Variants in CCDC93 observed in about 807,000 individuals in gnomAD.
CCDC93 encodes the protein CCC complex scaffolding subunit CCDC93.
A neutral mutation model predicts 108.2 loss-of-function variants in CCDC93; 61 were observed. The observed-to-expected ratio is 0.56, with a 90% CI of 0.46 to 0.70. CCDC93 has a LOEUF of 0.70. Ranked by LOEUF, CCDC93 falls within the 30% of genes least tolerant of loss-of-function variation. The probability of loss-of-function intolerance (pLI) is 0.00; values close to 1 mark genes in which losing one functional copy is unlikely to be tolerated. For synonymous variants in CCDC93, 276 were observed against 260.4 expected, an observed-to-expected ratio of 1.06 and a Z score of -0.58; for missense variants, 685 against 764.2, an observed-to-expected ratio of 0.90 and a Z score of 1.22.
intron 3 of CCDC93, among the ~76,000 whole-genome samples, chr2:118,004,694 G>A (rs1021230568): frequency 6.6e-6 from 1 of 152,136 alleles, no homozygotes; most frequent in Admixed American, 6.5e-5. Flanking sequence ...AATAAAGAAT[G>A]AGCTACCTGA....
At chr2:118,004,914 G>A (rs1676823454) in intron 3 of CCDC93, among the ~76,000 whole-genome samples, 1 of 152,050 alleles carries the variant, frequency 6.6e-6, no homozygotes, top group African/African-American at 2.4e-5. Flanking sequence ...ATACCTAAGG[G>A]ATACATATTA....
At chr2:117,941,651 G>A (rs1449721686) in intron 18 of CCDC93, among the ~76,000 whole-genome samples, 1 of 152,192 alleles carries the variant, frequency 6.6e-6, no homozygotes. Flanking sequence ...GGCAGGGACA[G>A]GCAACAAAAG....
At chr2:117,970,622 A>G (rs550109372) in intron 11 of CCDC93, among the ~76,000 whole-genome samples, 1 of 152,378 alleles carries the variant, frequency 6.6e-6, no homozygotes, top group South Asian at 2.1e-4. Flanking sequence ...TTACTCGAGT[A>G]TAGTCTATAA....
chr2:117,988,153 A>AT (rs146776330), intron 6 of CCDC93, among the ~76,000 whole-genome samples: 2,465 of 151,314 alleles, frequency 0.016, 73 homozygotes, highest in African/African-American at 0.058. Flanking sequence ...ATTTTATTTT[A>AT]TTTTTTTGCA....
intron 11 of CCDC93, among the ~76,000 whole-genome samples, chr2:117,973,203 G>A (rs1288935644): frequency 6.6e-6 from 1 of 152,044 alleles, no homozygotes; most frequent in African/African-American, 2.4e-5. Flanking sequence ...TGTAGTAAAA[G>A]ATTCTGAGAA....
intron 21 of CCDC93, 194 bp downstream of exon 21, chr2:117,936,508 A>G (rs1462088074): frequency 6.9e-6 from 4 of 581,642 alleles, no homozygotes; most frequent in Non-Finnish European, 1.2e-5. Flanking sequence ...CTCTACTATC[A>G]TTATAGTTTT....
chr2:117,956,876 T>G (rs926951779), intron 12 of CCDC93, among the ~76,000 whole-genome samples: 5 of 141,906 alleles, frequency 3.5e-5, no homozygotes, highest in Middle Eastern at 3.6e-3. Context: ...AAGCTCAAAA[T>G]GCCAACTGGT....
rs371433061 is a variant in CCDC93, at chr2:117,948,089, A to C, written c.1224+16T>G. 1 of 1,598,916 alleles carries C rather than the reference A, an allele frequency of 6.3e-7. No individual in the cohort carries two copies. The highest frequency in any genetic ancestry group is 8.6e-7 in the Non-Finnish European group (1 of 1,166,562). On this transcript the variant is annotated intron_variant, in intron 15 of 23. Transcript: ENST00000376300. ...TAAGCGTCCTGGTTTATTTGCTGAC[A>C]CCAAACAACACTTACTCGACAATGT...
At chr2:117,932,079 C>G (rs567488280) in intron 22 of CCDC93, among the ~76,000 whole-genome samples, 1 of 152,164 alleles carries the variant, frequency 6.6e-6, no homozygotes, top group African/African-American at 2.4e-5. Context: ...GGTGCATGGC[C>G]TCCTCAGCCT....
intron 7 of CCDC93, among the ~76,000 whole-genome samples, chr2:117,982,884 G>A (rs755424611): frequency 1.4e-4 from 22 of 152,184 alleles, no homozygotes; most frequent in Non-Finnish European, 3.2e-4. Flanking sequence ...GAAAAGGCCA[G>A]ACTTCCCATA....
chr2:117,990,078 T>C (rs1057330271), intron 6 of CCDC93, among the ~76,000 whole-genome samples: 2 of 152,216 alleles, frequency 1.3e-5, no homozygotes, highest in Non-Finnish European at 2.9e-5. Flanking sequence ...AATGTATCTT[T>C]TGGGTCTGGA....
At position 118,009,855 on chromosome 2, in the gene CCDC93, T is replaced by C. The variant is rs551786161; in HGVS notation, c.43-1197A>G. ...GGGTGATTATTGCCACATAATAGGA[T>C]TGCCTTAAAAATAATAAATTCATCT... On this transcript the variant is annotated intron_variant, in intron 1 of 23. Coordinates refer to ENST00000376300, the MANE Select transcript of CCDC93 (RefSeq NM_019044.5). Among the ~76,000 whole-genome samples, 4 of 152,298 alleles carry C rather than the reference T, an allele frequency of 2.6e-5. No homozygotes were observed. The East Asian group carries it at 7.7e-4, about 29-fold the overall frequency.
At chr2:117,940,782 G>A (rs1447066806) in intron 19 of CCDC93, among the ~76,000 whole-genome samples, 1 of 152,192 alleles carries the variant, frequency 6.6e-6, no homozygotes, top group Non-Finnish European at 1.5e-5. Context: ...GTTACTGGGT[G>A]AATATGATGC....
chr2:118,013,509 T>C (rs1050849163), intron 1 of CCDC93, among the ~76,000 whole-genome samples: 2 of 151,802 alleles, frequency 1.3e-5, no homozygotes, highest in Admixed American at 1.3e-4. Context: ...GGGGTGGCGG[T>C]AGACGTCCCA....
chr2:117,965,823 T>C (rs1398284818), intron 11 of CCDC93, among the ~76,000 whole-genome samples: 1 of 151,812 alleles, frequency 6.6e-6, no homozygotes, highest in African/African-American at 2.4e-5. Context: ...AAAGAAGAAA[T>C]ATATCTAATC....
Position 117,956,913 on chromosome 2 carries a change from G to A in CCDC93, c.1005+1452C>T, listed in dbSNP as rs182018943. Among the ~76,000 whole-genome samples the A allele has an allele frequency of 2.4e-3, 352 of 147,468 alleles. 1 individual carries two copies. The highest frequency in any genetic ancestry group is 8.4e-3 in the African/African-American group (336 of 39,916). On this transcript the variant is annotated intron_variant, in intron 12 of 23. Transcript: ENST00000376300. ...CCCATTTTTTTTTTTTTTTTGAGAT[G>A]GAGTTTCGCTCTTGTTGCCCAGGCT...
rs563677235 is a variant in CCDC93 at position 117,926,004 on chromosome 2, G to C, written c.1842+5033C>G. Among the ~76,000 whole-genome samples, 4 of 152,282 alleles carry C rather than the reference G, an allele frequency of 2.6e-5. No homozygotes were observed. The East Asian group carries it at 7.7e-4, about 29-fold the overall frequency. Reference sequence around the variant, plus strand: ...CAACTACATGGAAACTGAACAACCTGCTCCTGAATGACTACAGGGTACATA... The same window carrying C: ...CAACTACATGGAAACTGAACAACCTCCTCCTGAATGACTACAGGGTACATA... On this transcript the variant is annotated intron_variant, in intron 23 of 23. Coordinates refer to ENST00000376300, the MANE Select transcript of CCDC93 (RefSeq NM_019044.5).
intron 23 of CCDC93, among the ~76,000 whole-genome samples, chr2:117,922,158 C>T (rs1438915753): frequency 2.6e-5 from 4 of 152,104 alleles, no homozygotes; most frequent in African/African-American, 9.7e-5. Context: ...TCACCCACCT[C>T]ACCGTTTAAA....
At position 118,013,937 on chromosome 2, in the gene CCDC93, G is replaced by A; in HGVS notation, c.42+17C>T. 1.3e-6 allele frequency: 2 copies of A among 1,571,420 alleles called. No homozygotes were observed. Among genetic ancestry groups the A allele is most frequent in the Non-Finnish European group, 8.6e-7 (1 of 1,159,696 alleles). The stretch of plus-strand genomic sequence containing the variant: ...TCAGGAACCCCGACGTGTCAGGGAA[G>A]GAGGAGGCGTTCTTACCTCCGGGAG... On this transcript the variant is annotated intron_variant, in intron 1 of 23. Transcript: ENST00000376300.
Sources: gnomAD v4.1 joint callset for allele counts (sites outside exome capture counted in the v4.1 genomes callset) on GRCh38, gnomAD v4.1.1 for gene constraint, MANE v1.5 for transcripts, NCBI Gene and HGNC (gene_info 2026-07-23, HGNC 2026-07-21) for gene names.